The following PDE6B variants were observed in gnomAD, a reference collection of about 807,000 sequenced individuals.
PDE6B encodes the protein rod cGMP-specific 3',5'-cyclic phosphodiesterase subunit beta.
A neutral mutation model predicts 109.0 loss-of-function variants in PDE6B; 106 were observed. That is an observed-to-expected ratio of 0.97 (90% CI 0.83 to 1.14). The LOEUF (loss-of-function observed/expected upper bound fraction) is 1.14, where lower values mean the gene tolerates loss of function less well. Among genes scored for constraint, PDE6B ranks in the 50% most tolerant of loss-of-function variants. The pLI, the probability that PDE6B is intolerant of heterozygous loss-of-function variation, is 0.00. For missense variants in PDE6B, 1,193 were observed against 1,155.6 expected (o/e 1.03, Z -0.47); for synonymous variants, 490 against 471.3 (o/e 1.04, Z -0.51).
intron 17 of PDE6B, 29 bp from the exon 18 acceptor site, chr4:664,852 C>T: frequency 6.3e-7 from 1 of 1,591,496 alleles, no homozygotes; most frequent in Non-Finnish European, 8.6e-7. Flanking sequence ...AGACGCCCAT[C>T]AGCACTCGTG....
At chr4:641,814 T>C (rs1734961082) in intron 3 of PDE6B, among the ~76,000 whole-genome samples, 1 of 152,018 alleles carries the variant, frequency 6.6e-6, no homozygotes, top group Non-Finnish European at 1.5e-5. Context: ...GCCCACCTAA[T>C]TTTTGTATTT....
intron 16 of PDE6B, 55 bp from the exon 17 acceptor site, chr4:664,059 G>C: frequency 8.4e-6 from 11 of 1,311,218 alleles, no homozygotes; most frequent in Non-Finnish European, 1.1e-5. Flanking sequence ...CGGGCGCTTG[G>C]GGCGGGGTCT....
In PDE6B at chr4:656,016, G is replaced by C; in HGVS notation, c.1059+10G>C. 2 of 1,561,346 alleles carry C rather than the reference G, an allele frequency of 1.3e-6. No homozygotes were observed. The highest frequency in any genetic ancestry group is 1.7e-5 in the Admixed American group (1 of 59,974). On this transcript the variant is annotated intron_variant, in intron 7 of 21. Coordinates refer to ENST00000496514, the MANE Select transcript of PDE6B (RefSeq NM_000283.4). ...GGCAGAAAGCGGCTTTGTGAGTCCC[G>C]TGCTGTCTGGAGTCCCCACAGCCTT... is the stretch of plus-strand genomic sequence containing the variant.
chr4:636,072 C>T lies in PDE6B; in HGVS notation c.711+103C>T. The T allele has an allele frequency of 1.3e-6, 1 of 752,968 alleles. No homozygotes were observed. 46.6% of individuals were successfully genotyped at this position (752,968 alleles called of 1,614,324 possible). A position where few individuals can be genotyped will look rare whatever the true frequency, so the allele number is the denominator to read the frequency against. The stretch of plus-strand genomic sequence containing the variant: ...GTGGTGGCAGGTGGTCTTGTGCTCA[C>T]CTGGGTAGGTCCTGGGGTGGGCATT... On this transcript the variant is annotated intron_variant, in intron 3 of 21. Transcript: ENST00000496514. The surrounding 1 kb of genome is among the most constrained non-coding windows in gnomAD (Gnocchi z 4.5).
At position 666,437 on chromosome 4, in the gene PDE6B, G is replaced by A. The variant is rs1157722944; in HGVS notation, c.2269-94G>A. On this transcript the variant is annotated intron_variant, in intron 19 of 21. Transcript: ENST00000496514. The surrounding 1 kb of genome is among the most constrained non-coding windows in gnomAD (Gnocchi z 5.6). ...GGCTCGTCCCAGGCTGTGTCTCCATGAGCACATCTGAGTGAGGGGGTCGGG... is the reference window on the plus strand; with the variant it reads ...GGCTCGTCCCAGGCTGTGTCTCCATAAGCACATCTGAGTGAGGGGGTCGGG... The A allele has an allele frequency of 7.3e-6, 6 of 819,826 alleles. No individual in the cohort carries two copies. Among genetic ancestry groups the A allele is most frequent in the Non-Finnish European group, 8.6e-6 (4 of 463,960 alleles). 50.8% of individuals were successfully genotyped at this position (819,826 alleles called of 1,614,324 possible).
rs142222973 is a variant in PDE6B at position 649,552 on chromosome 4, G to A, written c.712-4300G>A. Reference sequence around the variant, plus strand: ...CCATTCTTGGATTCCCCAGGCACTCGCTGGGGTCCCTTATGCTGACCACAG... The same window carrying A: ...CCATTCTTGGATTCCCCAGGCACTCACTGGGGTCCCTTATGCTGACCACAG... On this transcript the variant is annotated intron_variant, in intron 3 of 21. Transcript: ENST00000496514. Among the ~76,000 whole-genome samples, 556 of 152,208 alleles carry A rather than the reference G, an allele frequency of 3.7e-3. 3 individuals carry two copies. Among genetic ancestry groups the A allele is most frequent in the African/African-American group, 0.013 (539 of 41,514 alleles).
intron 1 of PDE6B, 122 bp from the exon 2 acceptor site, chr4:634,555 C>A (rs1734548516): frequency 1.2e-6 from 1 of 851,472 alleles, no homozygotes; most frequent in Non-Finnish European, 2.1e-6. Context: ...CCCAGCAGGG[C>A]CCCTGGGCAC....
At chr4:628,326 G>A (rs960075702) in intron 1 of PDE6B, among the ~76,000 whole-genome samples, 9 of 152,178 alleles carry the variant, frequency 5.9e-5, no homozygotes, top group Non-Finnish European at 8.8e-5. Flanking sequence ...TTTGGAGGGC[G>A]TGAGCCGCAC....
At position 666,900 on chromosome 4, in the gene PDE6B, C is replaced by T. The variant is rs1030689430; in HGVS notation, c.2352+286C>T. On this transcript the variant is annotated intron_variant, in intron 20 of 21. Transcript: ENST00000496514. The surrounding 1 kb of genome is among the most constrained non-coding windows in gnomAD (Gnocchi z 5.6). ...CCTCTGCTAGCCTCCAGGCCTACCC[C>T]AGAAGTTCTCCCTCAGTGCCCTCCG... Among the ~76,000 whole-genome samples the T allele has an allele frequency of 1.3e-5, 2 of 152,242 alleles. No homozygotes were observed. Among genetic ancestry groups the T allele is most frequent in the African/African-American group, 4.8e-5 (2 of 41,464 alleles).
At chr4:655,718 C>G (rs1013320674) in intron 6 of PDE6B, 1 of 634,024 alleles carries the variant, frequency 1.6e-6, no homozygotes, top group African/African-American at 1.8e-5. Context: ...CACACACGCC[C>G]AGTCCATCTG....
intron 3 of PDE6B, among the ~76,000 whole-genome samples, chr4:640,266 G>A (rs377139577): frequency 4.6e-5 from 7 of 151,906 alleles, no homozygotes; most frequent in Non-Finnish European, 1.0e-4. Context: ...TTGGCCAGGC[G>A]TGGTGGCTCA....
At position 663,601 on chromosome 4, in the gene PDE6B, G is replaced by A. The variant is rs551958129; in HGVS notation, c.1921-169G>A. 53 of 655,990 alleles carry A rather than the reference G, an allele frequency of 8.1e-5. No homozygotes were observed. The African/African-American group carries it at 9.1e-4, about 11-fold the overall frequency. The allele number at this position is 655,990 out of a possible 1,614,324, so 40.6% of individuals were successfully genotyped here. Reference sequence around the variant, plus strand: ...GATGGAGCCGCTGGTGGAGAGCTGGGCACCCTGAGGAGGGCCCTGAGCAGC... The same window carrying A: ...GATGGAGCCGCTGGTGGAGAGCTGGACACCCTGAGGAGGGCCCTGAGCAGC... On this transcript the variant is annotated intron_variant, in intron 15 of 21. Transcript: ENST00000496514. This position sits in a 1 kb window ranked among gnomAD's most constrained non-coding sequence, Gnocchi z 4.0.
intron 1 of PDE6B, among the ~76,000 whole-genome samples, chr4:628,727 G>T (rs1474608303): frequency 6.6e-6 from 1 of 152,218 alleles, no homozygotes; most frequent in African/African-American, 2.4e-5. Flanking sequence ...CACCATGGAG[G>T]GAGGGGCTGC....
Position 655,963 on chromosome 4 carries a change from C to T in PDE6B, c.1016C>T (p.Ala339Val). 6.2e-7 allele frequency: 1 copy of T among 1,610,624 alleles called. No homozygotes were observed. The highest frequency in any genetic ancestry group is 8.5e-7 in the Non-Finnish European group (1 of 1,177,122). Reference protein sequence around the residue: ...VIPTPSADHWALASGLPSYVA... With the variant: ...VIPTPSADHWVLASGLPSYVA... ...AGCACACCCTCAGCCGATCACTGGG[C>T]CCTGGCCAGCGGCCTTCCAAGCTAC... The change falls in exon 7 of 22, where the codon GCC becomes GTC. Residue 339 changes from alanine to valine, a missense_variant. Transcript: ENST00000496514.
At chr4:669,753 C>T (rs543219491) in intron 21 of PDE6B, among the ~76,000 whole-genome samples, 24 of 149,432 alleles carry the variant, frequency 1.6e-4, no homozygotes, top group African/African-American at 5.0e-4. Context: ...CCATGCTATT[C>T]CCCTACCCCA....
chr4:655,445 C>A, intron 6 of PDE6B: 1 of 290,576 alleles, frequency 3.4e-6, no homozygotes, highest in Non-Finnish European at 6.6e-6. Context: ...AGGTGCCAGG[C>A]TTGAGCACAA....
chr4:654,028 CCCGACCCAGGT>C lies in PDE6B; in HGVS notation c.852+39_853-39del, dbSNP rs1244568570. The C allele has an allele frequency of 5.0e-6, 8 of 1,613,554 alleles. No homozygotes were observed. The African/African-American group carries it at 9.3e-5, about 19-fold the overall frequency. On this transcript the variant is annotated intron_variant, in intron 4 of 21. Transcript: ENST00000496514. ...CGTGGCTCAGGGACCCCCTGCCTGGCCCGACCCAGGTCCCGCAGTGACCGCCCCACCCTCAC... is the reference window on the plus strand; with the variant it reads ...CGTGGCTCAGGGACCCCCTGCCTGGCCCCGCAGTGACCGCCCCACCCTCAC...
intron 11 of PDE6B, among the ~76,000 whole-genome samples, chr4:660,220 AC>A (rs1321788586): frequency 1.3e-5 from 2 of 151,926 alleles, no homozygotes; most frequent in Admixed American, 6.6e-5. Flanking sequence ...CAACAACATC[AC>A]CCTGTCCACC....
At chr4:647,474 C>T (rs1201949226) in intron 3 of PDE6B, among the ~76,000 whole-genome samples, 1 of 152,040 alleles carries the variant, frequency 6.6e-6, no homozygotes, top group Non-Finnish European at 1.5e-5. Context: ...ATACCACACA[C>T]CGAGCACCTG....
Sources: gnomAD v4.1 joint callset for allele counts (sites outside exome capture counted in the v4.1 genomes callset) on GRCh38, gnomAD v4.1.1 for gene constraint, Gnocchi (gnomAD v3.1) non-coding constraint, MANE v1.5 for transcripts, NCBI Gene and HGNC (gene_info 2026-07-23, HGNC 2026-07-21) for gene names.